Variants in DCDC2 observed in about 807,000 individuals in gnomAD.
DCDC2 encodes doublecortin domain containing 2.
Under a neutral mutation model 50.2 loss-of-function variants are expected in DCDC2, and 40 were observed. The observed-to-expected ratio is 0.80, with a 90% CI of 0.62 to 1.04. DCDC2 has a LOEUF of 1.04. DCDC2 is among the 50% of genes least tolerant of loss of function. DCDC2 has a pLI of 0.00. For synonymous variants in DCDC2, 234 were observed against 210.6 expected (o/e 1.11, Z -0.96); for missense variants, 570 against 581.9 (o/e 0.98, Z 0.21).
the DCDC2 span, among the ~76,000 whole-genome samples, chr6:24,378,427 C>T: frequency 6.6e-6 from 1 of 152,164 alleles, no homozygotes; most frequent in African/African-American, 2.4e-5. Context: ...ACTCCTACCT[C>T]TGTCCCTTCT....
At chr6:24,353,314 A>T in intron 2 of DCDC2, 1 of 535,558 alleles carries the variant, frequency 1.9e-6, no homozygotes, top group Non-Finnish European at 3.7e-6. Context: ...ATCAGAGAAC[A>T]TGTAGCTAGA....
At chr6:24,302,150 T>C (rs1363691275) in intron 2 of DCDC2, 106 bp from the exon 3 acceptor site, 2 of 958,250 alleles carry the variant, frequency 2.1e-6, no homozygotes, top group South Asian at 3.5e-5. Flanking sequence ...AGACTTCCTG[T>C]GCCTTTGTTA....
chr6:24,277,509 A>G (rs753399410), intron 7 of DCDC2, among the ~76,000 whole-genome samples: 19 of 152,178 alleles, frequency 1.2e-4, no homozygotes, highest in Non-Finnish European at 1.9e-4. Context: ...GGACTAATGC[A>G]ATTTTTTATT....
intron 4 of DCDC2, among the ~76,000 whole-genome samples, chr6:24,294,190 C>T (rs887107045): frequency 1.3e-5 from 2 of 152,060 alleles, no homozygotes; most frequent in African/African-American, 4.8e-5. Context: ...AACCCCGTCT[C>T]TACAAAAAAT....
chr6:24,253,117 A>G (rs1313312427), intron 7 of DCDC2, among the ~76,000 whole-genome samples: 3 of 152,198 alleles, frequency 2.0e-5, no homozygotes, highest in South Asian at 2.1e-4. Context: ...TGCTCTATCC[A>G]TTTCCAGAAG....
chr6:24,236,682 T>C (rs1290999159), intron 7 of DCDC2, among the ~76,000 whole-genome samples: 1 of 151,682 alleles, frequency 6.6e-6, no homozygotes, highest in East Asian at 1.9e-4. Context: ...GGAACTTAAA[T>C]CAACAAGAAA....
At chr6:24,193,787 C>T (rs370192411) in intron 8 of DCDC2, among the ~76,000 whole-genome samples, 3 of 151,664 alleles carry the variant, frequency 2.0e-5, no homozygotes, top group South Asian at 2.1e-4. Context: ...ATAGGGGGAA[C>T]GAGTTTGGGA....
intron 7 of DCDC2, among the ~76,000 whole-genome samples, chr6:24,236,865 C>A (rs2113787590): frequency 6.6e-6 from 1 of 152,156 alleles, no homozygotes; most frequent in East Asian, 1.9e-4. Context: ...TAAAAATTAG[C>A]TGGGCATGGT....
rs1036182842 is a variant in DCDC2 at position 24,236,347 on chromosome 6, G to A, written c.923-31245C>T. Among the ~76,000 whole-genome samples, 8 of 152,078 alleles carry A rather than the reference G, an allele frequency of 5.3e-5. 1 individual carries two copies. The highest frequency in any genetic ancestry group is 9.7e-5 in the African/African-American group (4 of 41,408). ...GCAATGGGGAAAGAACTCCCTATTC[G>A]ACACATGGTGCTGGGAAAGCTGGCT... On this transcript the variant is annotated intron_variant, in intron 7 of 9. Transcript: ENST00000378454.
At chr6:24,258,162 G>A (rs1415130829) in intron 7 of DCDC2, among the ~76,000 whole-genome samples, 4 of 152,128 alleles carry the variant, frequency 2.6e-5, no homozygotes, top group African/African-American at 7.2e-5. Flanking sequence ...AGCTCCTAAA[G>A]GTGGTGCGGA....
intron 2 of DCDC2, among the ~76,000 whole-genome samples, chr6:24,330,931 G>A (rs1322585108): frequency 6.6e-6 from 1 of 152,008 alleles, no homozygotes; most frequent in African/African-American, 2.4e-5. Context: ...TATAACAACT[G>A]GGATATTTAC....
At chr6:24,358,899 A>AATATATT (rs1554121667), upstream of DCDC2, among the ~76,000 whole-genome samples, 1,996 of 21,322 alleles carry the variant, frequency 0.094, 257 homozygotes, top group African/African-American at 0.33. Flanking sequence ...TTATATATAT[A>AATATATT]ATATATTATA....
chr6:24,207,304 CACAG>C lies in DCDC2; in HGVS notation c.923-2206_923-2203del, dbSNP rs1346903027. Among the ~76,000 whole-genome samples, 1,464 of 150,186 alleles carry C rather than the reference CACAG, an allele frequency of 9.7e-3. 18 individuals carry two copies. Among genetic ancestry groups the C allele is most frequent in the African/African-American group, 0.033 (1,336 of 40,200 alleles). On this transcript the variant is annotated intron_variant, in intron 7 of 9. Transcript: ENST00000378454. The stretch of plus-strand genomic sequence containing the variant: ...TCTCTCTCTCAGACACACACACACA[CACAG>C]ACACATGCACTCGTAAAACTGGGAT...
At chr6:24,344,758 C>T (rs1760224779) in intron 2 of DCDC2, among the ~76,000 whole-genome samples, 1 of 152,124 alleles carries the variant, frequency 6.6e-6, no homozygotes, top group South Asian at 2.1e-4. Context: ...AAGGGTAAAA[C>T]AAGAAAGTGT....
At chr6:24,360,916 A>G (rs1444062110), upstream of DCDC2, among the ~76,000 whole-genome samples, 1 of 152,172 alleles carries the variant, frequency 6.6e-6, no homozygotes, top group Non-Finnish European at 1.5e-5. Flanking sequence ...CATTTACCTC[A>G]GGTCACACAC....
intron 7 of DCDC2, among the ~76,000 whole-genome samples, chr6:24,208,038 C>T (rs1761761183): frequency 6.6e-6 from 1 of 152,128 alleles, no homozygotes; most frequent in Admixed American, 6.5e-5. Flanking sequence ...CCTTAAATAC[C>T]CTGACTCTTC....
chr6:24,327,837 A>T (rs967708688), intron 2 of DCDC2, among the ~76,000 whole-genome samples: 1 of 152,188 alleles, frequency 6.6e-6, no homozygotes, highest in Admixed American at 6.5e-5. Flanking sequence ...TATTCTTTAA[A>T]TAAAAAAAAT....
intron 7 of DCDC2, among the ~76,000 whole-genome samples, chr6:24,235,789 C>T (rs1014578436): frequency 7.9e-5 from 12 of 152,146 alleles, no homozygotes; most frequent in Admixed American, 7.9e-4. Flanking sequence ...GTACAAAAAT[C>T]AGTAGCATTT....
At chr6:24,235,319 C>T (rs1037213573) in intron 7 of DCDC2, among the ~76,000 whole-genome samples, 4 of 152,190 alleles carry the variant, frequency 2.6e-5, no homozygotes, top group Non-Finnish European at 5.9e-5. Context: ...AGGAAAGATC[C>T]TCTTTTACTT....
Sources: allele counts gnomAD v4.1 joint callset (sites outside exome capture counted in the v4.1 genomes callset), GRCh38; gene constraint gnomAD v4.1.1; transcripts MANE v1.5; gene names NCBI Gene and HGNC (gene_info 2026-07-23, HGNC 2026-07-21).